PCED1B: variants seen among roughly 807,000 people sequenced by gnomAD.
PCED1B encodes PC-esterase domain-containing protein 1B.
For missense variants in PCED1B, 573 were observed against 573.9 expected (o/e 1.00, Z 0.02); for synonymous variants, 251 against 246.1 (o/e 1.02, Z -0.19).
At chr12:47,230,145 C>T (rs1272173547) in intron 3 of PCED1B, among the ~76,000 whole-genome samples, 10 of 138,570 alleles carry the variant, frequency 7.2e-5, no homozygotes, top group African/African-American at 2.7e-4. Context: ...AGTGCAGTGG[C>T]AGGATCTCGG....
intron 1 of PCED1B, among the ~76,000 whole-genome samples, chr12:47,089,882 T>C (rs1938188330): frequency 6.6e-6 from 1 of 152,082 alleles, no homozygotes; most frequent in African/African-American, 2.4e-5. Context: ...CAAGTGATTC[T>C]CCTGCCTCAA....
intron 2 of PCED1B, among the ~76,000 whole-genome samples, chr12:47,129,765 G>A (rs1389306620): frequency 1.3e-5 from 2 of 152,194 alleles, no homozygotes; most frequent in African/African-American, 4.8e-5. Flanking sequence ...TACAAAGGAT[G>A]GAGAGGAGAC....
chr12:47,219,578 A>G (rs148984276), intron 3 of PCED1B, among the ~76,000 whole-genome samples: 11 of 152,330 alleles, frequency 7.2e-5, no homozygotes, highest in Non-Finnish European at 1.3e-4. Context: ...AAGCCTAAAC[A>G]TTTGAAACAC....
intron 2 of PCED1B, among the ~76,000 whole-genome samples, chr12:47,190,132 G>A (rs1942397412): frequency 6.6e-6 from 1 of 152,176 alleles, no homozygotes; most frequent in African/African-American, 2.4e-5. Flanking sequence ...TTGTTATTTA[G>A]GAAATGCTTT....
chr12:47,117,992 G>A (rs1939504816), intron 2 of PCED1B, among the ~76,000 whole-genome samples: 1 of 152,172 alleles, frequency 6.6e-6, no homozygotes, highest in Admixed American at 6.5e-5. Flanking sequence ...CTGCATAAAT[G>A]TCTTCTTTTG....
intron 2 of PCED1B, among the ~76,000 whole-genome samples, chr12:47,202,384 C>A (rs572673172): frequency 2.8e-4 from 42 of 152,120 alleles, no homozygotes; most frequent in South Asian, 1.2e-3. Context: ...GCCTGGGAAA[C>A]CATTACTGGC....
chr12:47,233,743 G>T (rs540803717), intron 3 of PCED1B, among the ~76,000 whole-genome samples: 1 of 152,282 alleles, frequency 6.6e-6, no homozygotes, highest in South Asian at 2.1e-4. Context: ...TAAGAGGAGG[G>T]CAGATAACTC....
At chr12:47,141,255 C>G (rs1450806166) in intron 2 of PCED1B, among the ~76,000 whole-genome samples, 1 of 152,192 alleles carries the variant, frequency 6.6e-6, no homozygotes, top group Non-Finnish European at 1.5e-5. Flanking sequence ...TGGTAGCCAT[C>G]CATGGACAAA....
chr12:47,114,029 G>T (rs1386254084), intron 2 of PCED1B, among the ~76,000 whole-genome samples: 1 of 152,050 alleles, frequency 6.6e-6, no homozygotes, highest in Non-Finnish European at 1.5e-5. Context: ...TTGTATGTCT[G>T]CATAGTTCTT....
chr12:47,124,419 T>C (rs1939803329), intron 2 of PCED1B, among the ~76,000 whole-genome samples: 2 of 152,108 alleles, frequency 1.3e-5, no homozygotes, highest in Middle Eastern at 3.4e-3. Context: ...TTCATTCACC[T>C]GTTGACAAGC....
At chr12:47,191,001 T>G (rs1232206349) in intron 2 of PCED1B, among the ~76,000 whole-genome samples, 1 of 152,216 alleles carries the variant, frequency 6.6e-6, no homozygotes, top group African/African-American at 2.4e-5. Context: ...ACCAGTTCAT[T>G]AATCTTGCAG....
intron 2 of PCED1B, among the ~76,000 whole-genome samples, chr12:47,175,099 A>G (rs1263644361): frequency 2.0e-5 from 3 of 152,196 alleles, no homozygotes; most frequent in South Asian, 2.1e-4. Context: ...TCAAATTCCT[A>G]TAATTCTGCA....
At chr12:47,202,028 A>T (rs1942779507) in intron 2 of PCED1B, among the ~76,000 whole-genome samples, 1 of 152,194 alleles carries the variant, frequency 6.6e-6, no homozygotes, top group Non-Finnish European at 1.5e-5. Context: ...ATCAAGTACT[A>T]TATTAGTTAG....
intron 2 of PCED1B, among the ~76,000 whole-genome samples, chr12:47,191,555 T>A (rs1942439326): frequency 6.6e-6 from 1 of 152,148 alleles, no homozygotes; most frequent in African/African-American, 2.4e-5. Flanking sequence ...GAAGTCATGT[T>A]TCCATTGCAA....
At chr12:47,111,980 G>A (rs1359313914) in intron 2 of PCED1B, among the ~76,000 whole-genome samples, 1 of 152,126 alleles carries the variant, frequency 6.6e-6, no homozygotes, top group East Asian at 1.9e-4. Context: ...TGTTGGTGGG[G>A]GTCGTGTAGC....
At chr12:47,200,855 T>C (rs1190844947) in intron 2 of PCED1B, among the ~76,000 whole-genome samples, 1 of 152,204 alleles carries the variant, frequency 6.6e-6, no homozygotes, top group African/African-American at 2.4e-5. Context: ...AACAGACATA[T>C]GCGATGTGGA....
rs574865437 is a variant in PCED1B, at chr12:47,192,205, A to C, written c.-525-24017A>C. On this transcript the variant is annotated intron_variant, in intron 2 of 3. Transcript: ENST00000546455. ...TTTTTTTGCCTCTTTCCATAGTGCC[A>C]GCAAAGAGCTTCTAAATCACGACAA... 1.7e-3 allele frequency among the ~76,000 whole-genome samples: 231 copies of C among 139,650 alleles called. 1 individual carries two copies. The highest frequency in any genetic ancestry group is 6.0e-3 in the African/African-American group (218 of 36,462). 91.6% of individuals were successfully genotyped at this position (139,650 alleles called of 152,430 possible).
intron 2 of PCED1B, among the ~76,000 whole-genome samples, chr12:47,119,019 G>T (rs951800463): frequency 7.2e-5 from 11 of 152,038 alleles, no homozygotes; most frequent in Admixed American, 2.0e-4. Context: ...AACTGTATTG[G>T]TACTGGCATA....
intron 2 of PCED1B, among the ~76,000 whole-genome samples, chr12:47,140,075 T>C (rs1940536388): frequency 6.6e-6 from 1 of 152,170 alleles, no homozygotes; most frequent in African/African-American, 2.4e-5. Flanking sequence ...AAGCATTCTA[T>C]TTTTTGGTGC....
Sources: allele counts gnomAD v4.1 joint callset (sites outside exome capture counted in the v4.1 genomes callset), GRCh38; gene constraint gnomAD v4.1.1; transcripts MANE v1.5; gene names NCBI Gene and HGNC (gene_info 2026-07-23, HGNC 2026-07-21).